The following PHF2 variants were observed in gnomAD, a reference collection of about 807,000 sequenced individuals.
PHF2 encodes the protein PHD finger protein 2, also known as lysine-specific demethylase PHF2.
In PHF2, 27 loss-of-function variants were observed where a neutral mutation model predicts 120.5. That is an observed-to-expected ratio of 0.22 (90% CI 0.17 to 0.31). The LOEUF is 0.31. PHF2 is among the 10% of genes least tolerant of loss of function. The probability of loss-of-function intolerance (pLI) is 1.00; values close to 1 mark genes in which losing one functional copy is unlikely to be tolerated. For missense variants in PHF2, 1,024 were observed against 1,434.8 expected (o/e 0.71, Z 4.63); for synonymous variants, 568 against 592.5 (o/e 0.96, Z 0.60).
At position 93,655,984 on chromosome 9, in the gene PHF2, C is replaced by T; in HGVS notation, c.1003C>T (p.His335Tyr). 1.2e-6 allele frequency: 2 copies of T among 1,613,040 alleles called. No individual in the cohort carries two copies. The highest frequency in any genetic ancestry group is 1.7e-6 in the Non-Finnish European group (2 of 1,179,804). Residue 335 changes from histidine (H) to tyrosine (Y), a missense_variant, in exon 8 of 22, where the codon CAT becomes TAT. By Grantham distance (83) the His-to-Tyr change is moderately conservative (BLOSUM62 2). Transcript: ENST00000359246. ...TPVDCLAFAG[H>Y]FLHSLSVEMQ... The stretch of plus-strand genomic sequence containing the variant: ...TGTGGACTGCCTGGCCTTCGCGGGA[C>T]ATTTCCTCCACAGCCTGAGTGTGGA...
intron 4 of PHF2, 58 bp from the exon 5 acceptor site, chr9:93,649,013 C>T (rs1826310107): frequency 1.9e-6 from 3 of 1,544,548 alleles, no homozygotes; most frequent in South Asian, 2.4e-5. Flanking sequence ...ACGTCCTGGC[C>T]TCAGGGAGGC....
intron 17 of PHF2, among the ~76,000 whole-genome samples, chr9:93,667,697 G>A (rs73523917): frequency 0.017 from 2,610 of 152,256 alleles, 34 homozygotes; most frequent in Middle Eastern, 0.044. Flanking sequence ...GGGAAACCGA[G>A]GCTCTGAGGG....
chr9:93,615,711 C>A (rs566937571), intron 1 of PHF2, among the ~76,000 whole-genome samples: 1 of 152,264 alleles, frequency 6.6e-6, no homozygotes, highest in Non-Finnish European at 1.5e-5. Context: ...CCTGTTAGCT[C>A]CTTGACACTT....
chr9:93,588,862 G>T (rs1222117678), intron 1 of PHF2, among the ~76,000 whole-genome samples: 1 of 152,210 alleles, frequency 6.6e-6, no homozygotes, highest in African/African-American at 2.4e-5. Flanking sequence ...CTGCACTCCA[G>T]CCTGGGCAAC....
chr9:93,640,667 C>T (rs1235219400), intron 3 of PHF2, among the ~76,000 whole-genome samples: 1 of 152,040 alleles, frequency 6.6e-6, no homozygotes, highest in Non-Finnish European at 1.5e-5. Flanking sequence ...TTTAAATTTC[C>T]TGTCTGATAA....
chr9:93,677,025 C>G lies in PHF2; in HGVS notation c.3202+62C>G. ...GCCCTGCCTGCCCCCATGGGCAGCC[C>G]CAGACATGCAGACTCGGCCCATGGT... On this transcript the variant is annotated intron_variant, in intron 21 of 21. Coordinates refer to ENST00000359246, the MANE Select transcript of PHF2 (RefSeq NM_005392.4). This position sits in a 1 kb window ranked among gnomAD's most constrained non-coding sequence, Gnocchi z 4.4. The G allele has an allele frequency of 6.9e-7, 1 of 1,441,774 alleles. No individual in the cohort carries two copies. Among genetic ancestry groups the G allele is most frequent in the East Asian group, 2.5e-5 (1 of 40,418 alleles). 89.3% of individuals were successfully genotyped at this position (1,441,774 alleles called of 1,614,324 possible).
At chr9:93,604,906 C>T (rs966869667) in intron 1 of PHF2, among the ~76,000 whole-genome samples, 1 of 152,130 alleles carries the variant, frequency 6.6e-6, no homozygotes, top group Non-Finnish European at 1.5e-5. Flanking sequence ...TCTTAGCATT[C>T]CCACCCATGA....
rs1826941011 is a variant in PHF2 at position 93,677,533 on chromosome 9, C to T, written c.3203-55C>T. The T allele has an allele frequency of 8.7e-6, 12 of 1,379,518 alleles. 1 individual carries two copies. In the South Asian group the frequency reaches 1.2e-4, roughly 14 times the overall value. 85.5% of individuals were successfully genotyped at this position (1,379,518 alleles called of 1,614,324 possible). A position where few individuals can be genotyped will look rare whatever the true frequency, so the allele number is the denominator to read the frequency against. ...CCCTCCCCCCCACCGGCATGCCACGCCCCTTGCCATCTAGCTTACCTTCCC... is the reference window on the plus strand; with the variant it reads ...CCCTCCCCCCCACCGGCATGCCACGTCCCTTGCCATCTAGCTTACCTTCCC... On this transcript the variant is annotated intron_variant, in intron 21 of 21. Transcript: ENST00000359246. This position sits in a 1 kb window ranked among gnomAD's most constrained non-coding sequence, Gnocchi z 4.4.
intron 2 of PHF2, among the ~76,000 whole-genome samples, chr9:93,634,710 A>G (rs1416918369): frequency 1.3e-5 from 2 of 152,186 alleles, no homozygotes; most frequent in Admixed American, 1.3e-4. Flanking sequence ...TGTGACAAGG[A>G]TGGGAGACTT....
At chr9:93,607,174 G>C (rs1329085049) in intron 1 of PHF2, among the ~76,000 whole-genome samples, 4 of 152,188 alleles carry the variant, frequency 2.6e-5, no homozygotes, top group Non-Finnish European at 5.9e-5. Context: ...TCACTATTGT[G>C]TTGGCTATTA....
intron 1 of PHF2, among the ~76,000 whole-genome samples, chr9:93,614,022 A>T (rs1343941162): frequency 6.6e-6 from 1 of 152,096 alleles, no homozygotes; most frequent in Non-Finnish European, 1.5e-5. Context: ...TAGGTGGTGC[A>T]TTGTCCCCTC....
chr9:93,622,042 C>CAG (rs1825835178), intron 1 of PHF2, among the ~76,000 whole-genome samples: 1 of 152,210 alleles, frequency 6.6e-6, no homozygotes, highest in South Asian at 2.1e-4. Flanking sequence ...GTGGTCCAAG[C>CAG]TGTGGGTGCA....
chr9:93,636,542 G>A lies in PHF2; in HGVS notation c.299+17G>A, dbSNP rs1826096596. 2 of 1,531,814 alleles carry A rather than the reference G, an allele frequency of 1.3e-6. No individual in the cohort carries two copies. The highest frequency in any genetic ancestry group is 1.4e-5 in the African/African-American group (1 of 73,316). The allele number at this position is 1,531,814 out of a possible 1,614,324, so 94.9% of individuals were successfully genotyped here. ...CTTTCCCAGGTGGGCTGGCCTTCCTGTATGCTCCACCACCTGCAGCCAGGG... is the reference window on the plus strand; with the variant it reads ...CTTTCCCAGGTGGGCTGGCCTTCCTATATGCTCCACCACCTGCAGCCAGGG... On this transcript the variant is annotated intron_variant, in intron 3 of 21. Coordinates refer to ENST00000359246, the MANE Select transcript of PHF2 (RefSeq NM_005392.4).
At chr9:93,667,996 C>T (rs900486991) in intron 17 of PHF2, among the ~76,000 whole-genome samples, 1 of 152,194 alleles carries the variant, frequency 6.6e-6, no homozygotes, top group African/African-American at 2.4e-5. Context: ...CACACAGCCC[C>T]AAGCTTGTTC....
At chr9:93,654,975 C>T (rs565585414) in intron 7 of PHF2, among the ~76,000 whole-genome samples, 7 of 152,304 alleles carry the variant, frequency 4.6e-5, no homozygotes, top group African/African-American at 1.4e-4. Context: ...GACATCAGAG[C>T]CAGCGAGGGA....
intron 1 of PHF2, among the ~76,000 whole-genome samples, chr9:93,618,725 C>T (rs2131636390): frequency 6.6e-6 from 1 of 151,422 alleles, no homozygotes; most frequent in Non-Finnish European, 1.5e-5. Context: ...TCTGCGCTTG[C>T]ACACCTGTGT....
At position 93,677,516 on chromosome 9, in the gene PHF2, C is replaced by G. The variant is rs139023397; in HGVS notation, c.3203-72C>G. On this transcript the variant is annotated intron_variant, in intron 21 of 21. Coordinates refer to ENST00000359246, the MANE Select transcript of PHF2 (RefSeq NM_005392.4). The surrounding 1 kb of genome is among the most constrained non-coding windows in gnomAD (Gnocchi z 4.4). ...CCTTAGTGTCAGCGGGACCCTCCCC[C>G]CCACCGGCATGCCACGCCCCTTGCC... 468 of 1,136,108 alleles carry G rather than the reference C, an allele frequency of 4.1e-4. 3 individuals are homozygous for G. In the African/African-American group the frequency reaches 5.9e-3, roughly 14 times the overall value. 70.4% of individuals were successfully genotyped at this position (1,136,108 alleles called of 1,614,324 possible).
intron 3 of PHF2, among the ~76,000 whole-genome samples, chr9:93,643,390 A>G (rs1433334657): frequency 1.3e-5 from 2 of 151,982 alleles, no homozygotes; most frequent in Non-Finnish European, 2.9e-5. Context: ...TTGCTTTCAG[A>G]GCTTCCTTTG....
chr9:93,659,418 C>T (rs879674242), intron 10 of PHF2, 93 bp from the exon 11 acceptor site: 90 of 1,009,606 alleles, frequency 8.9e-5, no homozygotes, highest in Non-Finnish European at 1.3e-4. Context: ...ATCTGAGTGG[C>T]TCGGCAGTCA....
Sources: gnomAD v4.1 joint callset for allele counts (sites outside exome capture counted in the v4.1 genomes callset) on GRCh38, gnomAD v4.1.1 for gene constraint, Gnocchi (gnomAD v3.1) non-coding constraint, MANE v1.5 for transcripts, NCBI Gene and HGNC (gene_info 2026-07-23, HGNC 2026-07-21) for gene names.